C16orf89: variants seen among roughly 807,000 people sequenced by gnomAD.
C16orf89 encodes the protein UPF0764 protein C16orf89.
In C16orf89, 57 loss-of-function variants were observed where a neutral mutation model predicts 41.5. The ratio of observed to expected loss-of-function variants is 1.38; its 90% CI spans 1.11 to 1.71. C16orf89 has a LOEUF of 1.71. Among genes scored for constraint, C16orf89 ranks in the 40% most tolerant of loss-of-function variants. The probability of loss-of-function intolerance (pLI) is 0.00; values close to 1 mark genes in which losing one functional copy is unlikely to be tolerated. For missense variants in C16orf89, 575 were observed against 445.9 expected, an observed-to-expected ratio of 1.29 and a Z score of -2.61; for synonymous variants, 223 against 190.6, an observed-to-expected ratio of 1.17 and a Z score of -1.40.
intron 6 of C16orf89, among the ~76,000 whole-genome samples, chr16:5,048,700 C>G (rs1286557140): frequency 2.6e-5 from 4 of 151,710 alleles, no homozygotes; most frequent in Non-Finnish European, 4.4e-5. Flanking sequence ...ATAAAAGTTA[C>G]TGGTAGAGGA....
intron 4 of C16orf89, among the ~76,000 whole-genome samples, chr16:5,056,572 C>T (rs375173747): frequency 1.3e-5 from 2 of 152,040 alleles, no homozygotes; most frequent in Admixed American, 6.6e-5. Flanking sequence ...TGACCGATCG[C>T]GGGGGCAATG....
intron 2 of C16orf89, among the ~76,000 whole-genome samples, chr16:5,062,091 G>A (rs905816216): frequency 1.3e-5 from 2 of 152,318 alleles, no homozygotes; most frequent in South Asian, 4.1e-4. Context: ...GGGTTGAATT[G>A]CCTTTTGGAT....
intron 7 of C16orf89, among the ~76,000 whole-genome samples, chr16:5,045,910 C>A (rs753396246): frequency 3.9e-5 from 6 of 152,154 alleles, no homozygotes; most frequent in Non-Finnish European, 8.8e-5. Flanking sequence ...GGAGGTGTTC[C>A]AGGAAAGGCC....
At position 5,044,894 on chromosome 16, in the gene C16orf89, G is replaced by A. The variant is rs546288708; in HGVS notation, c.956-416C>T. 2.4e-5 allele frequency: 30 copies of A among 1,250,132 alleles called. No homozygotes were observed. The African/African-American group carries it at 3.5e-4, about 15-fold the overall frequency. The allele number at this position is 1,250,132 out of a possible 1,614,324, so 77.4% of individuals were successfully genotyped here. On this transcript the variant is annotated intron_variant, in intron 7 of 7. Transcript: ENST00000472572. ...TGTCATTCCAGGCAACTTGCAAGAC[G>A]CTGAGTGGGTGCTTCGGTGCTCCCT...
At chr16:5,065,185 C>T (rs1490442567) in intron 1 of C16orf89, among the ~76,000 whole-genome samples, 2 of 152,184 alleles carry the variant, frequency 1.3e-5, no homozygotes, top group African/African-American at 2.4e-5. Flanking sequence ...TTACCTTGGC[C>T]TGTCTCCAGC....
At chr16:5,047,200 G>A (rs138904212) in intron 7 of C16orf89, among the ~76,000 whole-genome samples, 1 of 152,252 alleles carries the variant, frequency 6.6e-6, no homozygotes, top group Admixed American at 6.5e-5. Context: ...GCCTCCTCCT[G>A]CCATTCTCCA....
chr16:5,055,722 G>C, intron 5 of C16orf89: 2 of 1,503,390 alleles, frequency 1.3e-6, no homozygotes, highest in East Asian at 2.5e-5. Flanking sequence ...CACTGGGGCA[G>C]CCTTTGGGGG....
chr16:5,060,920 G>T (rs1956604712), intron 2 of C16orf89, among the ~76,000 whole-genome samples: 1 of 147,914 alleles, frequency 6.8e-6, no homozygotes, highest in African/African-American at 2.5e-5. Context: ...CTAGAAGTTG[G>T]AGAATGCAGT....
At chr16:5,061,837 G>GTTAT (rs1956633480) in intron 2 of C16orf89, among the ~76,000 whole-genome samples, 1 of 152,144 alleles carries the variant, frequency 6.6e-6, no homozygotes. Flanking sequence ...TGATGGACTG[G>GTTAT]TTATTTGTGC....
At chr16:5,065,337 C>G (rs948934498) in intron 1 of C16orf89, among the ~76,000 whole-genome samples, 1 of 152,168 alleles carries the variant, frequency 6.6e-6, no homozygotes, top group African/African-American at 2.4e-5. Context: ...TCCACAGCCA[C>G]CTCATTCAAG....
intron 2 of C16orf89, among the ~76,000 whole-genome samples, chr16:5,061,464 G>C (rs1332202963): frequency 2.8e-5 from 1 of 35,254 alleles, no homozygotes; most frequent in Non-Finnish European, 5.2e-5. Context: ...AAAAAAGAGA[G>C]ACAGAGTGAG....
At chr16:5,058,423 A>C in intron 4 of C16orf89, 70 bp downstream of exon 4, 1 of 1,372,218 alleles carries the variant, frequency 7.3e-7, no homozygotes, top group Non-Finnish European at 1.0e-6. Flanking sequence ...ATGAGCCACC[A>C]CGTCCGGCTG....
rs186509967 is a variant in C16orf89 at position 5,050,332 on chromosome 16, C to T, written c.869-2368G>A. The stretch of plus-strand genomic sequence containing the variant: ...GCAGTGAGCTGAGATTGCGCCACTG[C>T]ACTCCAGCTTGGGTGACAGAGCAAG... On this transcript the variant is annotated intron_variant, in intron 6 of 7. Coordinates refer to ENST00000472572, the MANE Select transcript of C16orf89 (RefSeq NM_001098514.3). Among the ~76,000 whole-genome samples, 832 of 151,808 alleles carry T rather than the reference C, an allele frequency of 5.5e-3. 7 individuals are homozygous for T. The highest frequency in any genetic ancestry group is 0.019 in the African/African-American group (793 of 41,356).
At chr16:5,055,905 C>G in intron 5 of C16orf89, 148 bp downstream of exon 5, 1 of 1,253,766 alleles carries the variant, frequency 8.0e-7, no homozygotes, top group Non-Finnish European at 1.1e-6. Flanking sequence ...TAACTGAGCA[C>G]TCTGTATTTT....
At chr16:5,046,619 A>T (rs66995423) in intron 7 of C16orf89, among the ~76,000 whole-genome samples, 1 of 152,062 alleles carries the variant, frequency 6.6e-6, no homozygotes, top group Non-Finnish European at 1.5e-5. Flanking sequence ...CCAAAGTGCT[A>T]GGATTACAGG....
intron 4 of C16orf89, 62 bp from the exon 5 acceptor site, chr16:5,056,250 G>A: frequency 6.8e-7 from 1 of 1,481,386 alleles, no homozygotes; most frequent in Non-Finnish European, 9.3e-7. Flanking sequence ...CACACGCCCT[G>A]CTATGGGAAA....
chr16:5,063,185 G>A (rs113592274), intron 1 of C16orf89, among the ~76,000 whole-genome samples: 1 of 152,164 alleles, frequency 6.6e-6, no homozygotes. Context: ...ATTCACGCAG[G>A]GCTGAGAGGG....
intron 6 of C16orf89, among the ~76,000 whole-genome samples, chr16:5,048,314 G>T (rs960232527): frequency 2.6e-5 from 4 of 152,170 alleles, no homozygotes; most frequent in Non-Finnish European, 4.4e-5. Context: ...GATTATATGT[G>T]TGAGCCCCTG....
chr16:5,062,634 G>A, intron 1 of C16orf89, 60 bp from the exon 2 acceptor site: 1 of 1,477,630 alleles, frequency 6.8e-7, no homozygotes, highest in Admixed American at 2.2e-5. Context: ...TTTTTGCCTT[G>A]GAACAAGAAA....
Sources: allele counts gnomAD v4.1 joint callset (sites outside exome capture counted in the v4.1 genomes callset), GRCh38; gene constraint gnomAD v4.1.1; transcripts MANE v1.5; gene names NCBI Gene and HGNC (gene_info 2026-07-23, HGNC 2026-07-21).